RGS5: variants seen among roughly 807,000 people sequenced by gnomAD.
RGS5 encodes regulator of G protein signaling 5.
In RGS5, 20 loss-of-function variants were observed where a neutral mutation model predicts 18.9. That is an observed-to-expected ratio of 1.06 (90% confidence interval 0.74 to 1.54). The LOEUF (loss-of-function observed/expected upper bound fraction) is 1.54, where lower values mean the gene tolerates loss of function less well. RGS5 is among the 40% of genes most tolerant of loss of function. RGS5 has a pLI of 0.00. For synonymous variants in RGS5, 57 were observed against 76.2 expected, an observed-to-expected ratio of 0.75 and a Z score of 1.31; for missense variants, 201 against 211.8, an observed-to-expected ratio of 0.95 and a Z score of 0.32.
intron 2 of RGS5, among the ~76,000 whole-genome samples, chr1:163,279,696 A>G (rs1357349517): frequency 6.6e-6 from 1 of 151,994 alleles, no homozygotes; most frequent in Admixed American, 6.6e-5. Context: ...GGGACTTTAA[A>G]ACACAAAACA....
Position 163,147,472 on chromosome 1 carries a change from G to T in RGS5, c.416C>A (p.Thr139Lys). The change falls in exon 5 of 5, where the codon ACA becomes AAA. Residue 139 changes from threonine (T) to lysine (K), a missense_variant. Thr to Lys is a moderately conservative substitution (Grantham distance 78, BLOSUM62 -1). Coordinates refer to ENST00000313961, the MANE Select transcript of RGS5 (RefSeq NM_003617.4). ...VNIDHFTKDI[T>K]MKNLVEPSLS... ...GGAAGGTTCCACCAGGTTCTTCATT[G>T]TGATGTCCTTAGTGAAGTGGTCAAT... 1 of 1,610,344 alleles carries T rather than the reference G, an allele frequency of 6.2e-7. No homozygotes were observed. Among genetic ancestry groups the T allele is most frequent in the Non-Finnish European group, 8.5e-7 (1 of 1,178,184 alleles).
chr1:163,302,444 A>T (rs1381627475), intron 2 of RGS5, among the ~76,000 whole-genome samples: 1 of 152,188 alleles, frequency 6.6e-6, no homozygotes, highest in Non-Finnish European at 1.5e-5. Flanking sequence ...TGTTAAAAAC[A>T]ACACTAATAG....
intron 4 of RGS5, among the ~76,000 whole-genome samples, chr1:163,151,850 C>A (rs1188636381): frequency 6.6e-6 from 1 of 152,068 alleles, no homozygotes; most frequent in Non-Finnish European, 1.5e-5. Flanking sequence ...TGCTTGGGAC[C>A]AGAAATGTTT....
intron 1 of RGS5, among the ~76,000 whole-genome samples, chr1:163,188,304 T>G (rs919018963): frequency 1.6e-4 from 25 of 152,194 alleles, no homozygotes; most frequent in African/African-American, 5.8e-4. Flanking sequence ...GGGTTAGACC[T>G]CAGTGTTGGA....
At chr1:163,155,082 C>G (rs1024926958) in intron 3 of RGS5, among the ~76,000 whole-genome samples, 30 of 152,146 alleles carry the variant, frequency 2.0e-4, no homozygotes, top group African/African-American at 7.2e-4. Context: ...GAAATGAAGT[C>G]TTATGAGCTC....
intron 1 of RGS5, among the ~76,000 whole-genome samples, chr1:163,314,765 T>C (rs929412362): frequency 2.6e-5 from 4 of 152,126 alleles, no homozygotes; most frequent in African/African-American, 9.7e-5. Flanking sequence ...CCTTCATGAA[T>C]GGGACTAGTG....
At chr1:163,188,253 C>G (rs904723672) in intron 1 of RGS5, among the ~76,000 whole-genome samples, 1 of 152,008 alleles carries the variant, frequency 6.6e-6, no homozygotes, top group African/African-American at 2.4e-5. Context: ...ACATACAATC[C>G]CACGGTCATT....
chr1:163,202,195 T>C (rs1385556735), intron 1 of RGS5, among the ~76,000 whole-genome samples: 1 of 152,134 alleles, frequency 6.6e-6, no homozygotes, highest in Non-Finnish European at 1.5e-5. Flanking sequence ...CAATGGGAAA[T>C]TTCCTCTTCC....
intron 3 of RGS5, among the ~76,000 whole-genome samples, chr1:163,159,902 CACAT>C (rs1350264403): frequency 6.6e-6 from 1 of 152,076 alleles, no homozygotes; most frequent in African/African-American, 2.4e-5. Context: ...TGTGTATACA[CACAT>C]ACATACATGA....
chr1:163,212,426 T>C (rs1314197287), intron 1 of RGS5: 2 of 152,232 alleles, frequency 1.3e-5, no homozygotes, highest in African/African-American at 4.8e-5. Context: ...GGAAATATTG[T>C]CTTAATGAGA....
At chr1:163,225,227 A>G (rs1360082211) in intron 2 of RGS5, among the ~76,000 whole-genome samples, 4 of 152,176 alleles carry the variant, frequency 2.6e-5, no homozygotes, top group African/African-American at 9.6e-5. Context: ...AAGCAAGAGA[A>G]GACTAGCTTC....
intron 2 of RGS5, among the ~76,000 whole-genome samples, chr1:163,241,240 ATTG>A (rs906843224): frequency 6.6e-6 from 1 of 152,166 alleles, no homozygotes; most frequent in East Asian, 1.9e-4. Flanking sequence ...ATAATGGCAG[ATTG>A]TTGTTGTTGT....
chr1:163,294,976 C>G (rs1002112225), intron 2 of RGS5, among the ~76,000 whole-genome samples: 1 of 152,182 alleles, frequency 6.6e-6, no homozygotes, highest in Non-Finnish European at 1.5e-5. Flanking sequence ...TGCTCCAGCT[C>G]CCAATAAGTT....
chr1:163,149,657 C>T (rs1184288130), intron 4 of RGS5, among the ~76,000 whole-genome samples: 3 of 152,108 alleles, frequency 2.0e-5, no homozygotes, highest in Non-Finnish European at 4.4e-5. Context: ...TACTTATTGA[C>T]TTCCACATGG....
At chr1:163,219,218 C>T (rs1161685332), upstream of RGS5, among the ~76,000 whole-genome samples, 1 of 152,310 alleles carries the variant, frequency 6.6e-6, no homozygotes, top group Middle Eastern at 3.4e-3. Flanking sequence ...GATTAAGAAA[C>T]AGCACTAAGA....
chr1:163,295,516 T>C (rs1428612787), intron 2 of RGS5, among the ~76,000 whole-genome samples: 1 of 152,238 alleles, frequency 6.6e-6, no homozygotes, highest in Non-Finnish European at 1.5e-5. Context: ...ATATTCCTCA[T>C]TTAACAAGGT....
At position 163,142,462 on chromosome 1, in the gene RGS5, A is replaced by T. The variant is rs1656960641; in HGVS notation, c.*4880T>A. 6.6e-6 allele frequency: 1 copy of T among 152,184 alleles called. No homozygotes were observed. The highest frequency in any genetic ancestry group is 2.4e-5 in the African/African-American group (1 of 41,466). The allele number at this position is 152,184 out of a possible 1,614,324, so 9.4% of individuals were successfully genotyped here. A position where few individuals can be genotyped will look rare whatever the true frequency, so the allele number is the denominator to read the frequency against. Reference sequence around the variant, plus strand: ...TTTTCTTGAATTTAAAATATATGGGATAAATGCTTACAAATGGATTTATAA... The same window carrying T: ...TTTTCTTGAATTTAAAATATATGGGTTAAATGCTTACAAATGGATTTATAA... On this transcript the variant is annotated 3_prime_UTR_variant, in exon 5 of 5. Transcript: ENST00000313961.
chr1:163,229,536 T>G (rs1220271805), intron 2 of RGS5, among the ~76,000 whole-genome samples: 2 of 152,218 alleles, frequency 1.3e-5, no homozygotes, highest in Non-Finnish European at 1.5e-5. Context: ...ATATGTTCCC[T>G]CCATCCCTAG....
chr1:163,270,900 G>C (rs1005199641), intron 2 of RGS5, among the ~76,000 whole-genome samples: 2 of 152,126 alleles, frequency 1.3e-5, no homozygotes, highest in East Asian at 3.9e-4. Context: ...CCTGACCAGA[G>C]GCCTTGGTCT....
Sources: gnomAD v4.1 joint callset for allele counts (sites outside exome capture counted in the v4.1 genomes callset) on GRCh38, gnomAD v4.1.1 for gene constraint, MANE v1.5 for transcripts, NCBI Gene and HGNC (gene_info 2026-07-23, HGNC 2026-07-21) for gene names.